The following AZIN1 variants were observed in gnomAD, a reference collection of about 807,000 sequenced individuals.
AZIN1 encodes antizyme inhibitor 1.
AZIN1 carries 12 observed loss-of-function variants against 47.4 expected under a neutral mutation model. The ratio of observed to expected loss-of-function variants is 0.25; its 90% confidence interval spans 0.16 to 0.41. AZIN1 has a LOEUF of 0.41. AZIN1 is among the 10% of genes least tolerant of loss of function. AZIN1 has a pLI of 1.00. For missense variants in AZIN1, 410 were observed against 532.4 expected (o/e 0.77, Z 2.26); for synonymous variants, 155 against 176.3 (o/e 0.88, Z 0.96).
At chr8:102,842,937 C>T (rs1430217266) in intron 3 of AZIN1, among the ~76,000 whole-genome samples, 2 of 151,224 alleles carry the variant, frequency 1.3e-5, no homozygotes, top group African/African-American at 4.9e-5. Context: ...AGAATTGAGG[C>T]TGGGCGCGGT....
intron 1 of AZIN1, among the ~76,000 whole-genome samples, chr8:102,863,547 G>A (rs1401272765): frequency 6.6e-6 from 1 of 150,918 alleles, no homozygotes; most frequent in East Asian, 2.0e-4. Context: ...ACGCCCCCTC[G>A]CCCCAACTGC....
intron 2 of AZIN1, chr8:102,854,349 C>T (rs915176048): frequency 2.0e-5 from 3 of 151,766 alleles, no homozygotes; most frequent in African/African-American, 7.2e-5. Context: ...GCCTATAATC[C>T]CAGCATTTTG....
chr8:102,860,457 GT>G (rs1192818935), intron 1 of AZIN1, among the ~76,000 whole-genome samples: 3 of 151,954 alleles, frequency 2.0e-5, no homozygotes. Context: ...TAGAGATGGG[GT>G]TTCATCATAT....
At chr8:102,857,736 A>C (rs1221902938) in intron 2 of AZIN1, among the ~76,000 whole-genome samples, 1 of 152,132 alleles carries the variant, frequency 6.6e-6, no homozygotes, top group Non-Finnish European at 1.5e-5. Flanking sequence ...GATGTGATAA[A>C]CTATACCTTA....
At chr8:102,850,451 T>C (rs1586193135) in intron 2 of AZIN1, among the ~76,000 whole-genome samples, 1 of 152,308 alleles carries the variant, frequency 6.6e-6, no homozygotes, top group East Asian at 1.9e-4. Flanking sequence ...CCACATAGAA[T>C]ACCTTTAAAA....
At chr8:102,860,808 T>C (rs1177833399) in intron 1 of AZIN1, among the ~76,000 whole-genome samples, 1 of 152,224 alleles carries the variant, frequency 6.6e-6, no homozygotes, top group African/African-American at 2.4e-5. Context: ...GTGGTATTCT[T>C]TGTAAAAACT....
intron 2 of AZIN1, 45 bp downstream of exon 2, chr8:102,857,968 G>A (rs1182163685): frequency 5.0e-6 from 2 of 398,542 alleles, no homozygotes; most frequent in East Asian, 3.6e-5. Context: ...CTCTTCCTTC[G>A]ATTTTAAAGA....
Position 102,829,344 on chromosome 8 carries a change from G to C in AZIN1, c.1163C>G (p.Ser388Cys). 5 of 1,613,956 alleles carry C rather than the reference G, an allele frequency of 3.1e-6. No homozygotes were observed. The highest frequency in any genetic ancestry group is 4.2e-6 in the Non-Finnish European group (5 of 1,179,878). Residue 388 changes from serine to cysteine, a missense_variant, in exon 11 of 12, where the codon TCT becomes TGT. Physicochemically the swap from Ser to Cys is moderately radical, Grantham distance 112. This residue lies in a region of AZIN1 where 168 missense variants were observed against 198.3 expected (regional missense o/e 0.85). Transcript: ENST00000337198. ...ATTAAAAGCAGATGGTTCATGGAAA[G>C]AATCTGCTCCCATGTTATCAAAGAT... ...WLIFDNMGAD[S>C]FHEPSAFNDF...
intron 6 of AZIN1, 90 bp from the exon 7 acceptor site, chr8:102,834,837 T>C (rs1811714864): frequency 2.5e-6 from 2 of 793,256 alleles, no homozygotes; most frequent in Non-Finnish European, 4.2e-6. Context: ...ATCATATTCA[T>C]ACCATTAAGT....
intron 3 of AZIN1, among the ~76,000 whole-genome samples, chr8:102,842,756 C>A (rs1812291920): frequency 6.6e-6 from 1 of 151,536 alleles, no homozygotes; most frequent in South Asian, 2.1e-4. Context: ...CTTAGCTGGG[C>A]ATGGTGGCAC....
Position 102,838,936 on chromosome 8 carries a change from G to A in AZIN1, c.277-20C>T, listed in dbSNP as rs750575685. 2 of 1,599,144 alleles carry A rather than the reference G, an allele frequency of 1.3e-6. No individual in the cohort carries two copies. Among genetic ancestry groups the A allele is most frequent in the African/African-American group, 1.3e-5 (1 of 74,554 alleles). On this transcript the variant is annotated intron_variant, in intron 4 of 11. Transcript: ENST00000337198. ...TTCATTCTGTGAAAATGAGGTTAAA[G>A]TGAGAATACATAATGTCACAGTTCA... is the stretch of plus-strand genomic sequence containing the variant.
chr8:102,833,018 C>T (rs377565053), intron 9 of AZIN1, 38 bp downstream of exon 9: 168 of 1,534,952 alleles, frequency 1.1e-4, no homozygotes, highest in Non-Finnish European at 1.5e-4. Flanking sequence ...CTGCAATTAT[C>T]TACCAACAAA....
chr8:102,839,551 A>G, intron 4 of AZIN1, 99 bp downstream of exon 4: 1 of 868,038 alleles, frequency 1.2e-6, no homozygotes, highest in South Asian at 3.9e-5. Context: ...AACTCCATCC[A>G]AAAGTCAAAC....
chr8:102,828,571 G>T lies in AZIN1; in HGVS notation c.1343C>A (p.Ala448Asp), dbSNP rs1811231121. 2 of 1,603,504 alleles carry T rather than the reference G, an allele frequency of 1.2e-6. No individual in the cohort carries two copies. The highest frequency in any genetic ancestry group is 2.2e-5 in the East Asian group (1 of 44,672). The change falls in exon 12 of 12, where the codon GCT becomes GAT. Residue 448 changes from alanine (A) to aspartate (D), a missense_variant. By Grantham distance (126) the Ala-to-Asp change is moderately radical. Around this residue, in one of 3 missense-constraint regions of AZIN1, gnomAD observed 168 missense variants for 198.3 expected, o/e 0.85. Coordinates refer to ENST00000337198, the MANE Select transcript of AZIN1 (RefSeq NM_148174.4). ...LSQEDSFSAE[A>D] Reference sequence around the variant, plus strand: ...TAAAGAAGCGTTAATGCCTGTTTAAGCTTCAGCGGAAAAGCTGTCTTCTTG... The same window carrying T: ...TAAAGAAGCGTTAATGCCTGTTTAATCTTCAGCGGAAAAGCTGTCTTCTTG...
At chr8:102,863,539 G>A (rs1446037655) in intron 1 of AZIN1, among the ~76,000 whole-genome samples, 1 of 151,096 alleles carries the variant, frequency 6.6e-6, no homozygotes, top group African/African-American at 2.4e-5. Context: ...ACTGGCACAC[G>A]CCCCCTCGCC....
chr8:102,850,030 T>C (rs948560316), intron 2 of AZIN1: 1 of 152,178 alleles, frequency 6.6e-6, no homozygotes, highest in Non-Finnish European at 1.5e-5. Context: ...TTGATTGTAC[T>C]TCAGAAGAAA....
At chr8:102,830,316 G>A (rs1052408835) in intron 9 of AZIN1, 5 of 161,410 alleles carry the variant, frequency 3.1e-5, no homozygotes, top group East Asian at 1.9e-4. Context: ...AATCCGGGAG[G>A]CGGAGGTTAC....
At chr8:102,836,532 A>G in intron 5 of AZIN1, 142 bp from the exon 6 acceptor site, 1 of 875,592 alleles carries the variant, frequency 1.1e-6, no homozygotes, top group Non-Finnish European at 1.8e-6. Context: ...GAACCTAATG[A>G]AAAACAATCC....
In AZIN1 at chr8:102,857,818, T is replaced by C. The variant is rs77392853; in HGVS notation, c.-96+195A>G. Among the ~76,000 whole-genome samples the C allele has an allele frequency of 9.1e-3, 1,378 of 152,238 alleles. 19 individuals are homozygous for C. Among genetic ancestry groups the C allele is most frequent in the Middle Eastern group, 0.041 (12 of 294 alleles). ...AAGATAGTTTTAAATGATCCAGTCA[T>C]TGGTAAACAATGCACACAACTAAAT... On this transcript the variant is annotated intron_variant, in intron 2 of 11. Transcript: ENST00000337198.
Sources: gnomAD v4.1 joint callset for allele counts (sites outside exome capture counted in the v4.1 genomes callset) on GRCh38, gnomAD v4.1.1 for gene constraint, gnomAD v4.1.1 regional missense constraint, MANE v1.5 for transcripts, NCBI Gene and HGNC (gene_info 2026-07-23, HGNC 2026-07-21) for gene names.